The following KCNT2 variants were observed in gnomAD, a reference collection of about 807,000 sequenced individuals.
KCNT2 encodes the protein potassium sodium-activated channel subfamily T member 2, also known as potassium channel subfamily T member 2.
In KCNT2, 67 loss-of-function variants were observed where a neutral mutation model predicts 153.8. The observed-to-expected ratio is 0.44, with a 90% CI of 0.36 to 0.53. The LOEUF (loss-of-function observed/expected upper bound fraction) is 0.53. Ranked by LOEUF, KCNT2 falls within the 20% of genes least tolerant of loss-of-function variation. The pLI is 0.00. For synonymous variants in KCNT2, 500 were observed against 458.8 expected (o/e 1.09, Z -1.15); for missense variants, 975 against 1,354.8 (o/e 0.72, Z 4.40).
intron 25 of KCNT2, among the ~76,000 whole-genome samples, chr1:196,259,880 T>C (rs980512557): frequency 1.3e-5 from 2 of 151,978 alleles, no homozygotes; most frequent in Admixed American, 1.3e-4. Flanking sequence ...TAAAAGTTTT[T>C]AATACCATGG....
intron 25 of KCNT2, among the ~76,000 whole-genome samples, chr1:196,274,759 T>G (rs906656533): frequency 1.5e-4 from 23 of 151,870 alleles, no homozygotes; most frequent in African/African-American, 5.6e-4. Context: ...TATGTTGGTA[T>G]ATTAATATGC....
chr1:196,385,396 A>G (rs1172984666), intron 13 of KCNT2, among the ~76,000 whole-genome samples: 2 of 152,168 alleles, frequency 1.3e-5, no homozygotes, highest in Non-Finnish European at 2.9e-5. Context: ...GGTACAGTGA[A>G]AAGATGGTAT....
chr1:196,465,601 C>G (rs4545283), intron 7 of KCNT2, among the ~76,000 whole-genome samples: 150,729 of 151,928 alleles, frequency 0.99, 74,780 homozygotes, highest in Middle Eastern at 1. Context: ...AAAGATATTG[C>G]TGTAGGAAGA....
chr1:196,281,481 A>T (rs965766851), intron 24 of KCNT2, among the ~76,000 whole-genome samples: 1 of 152,190 alleles, frequency 6.6e-6, no homozygotes, highest in Admixed American at 6.5e-5. Context: ...CTCTAGCACC[A>T]TACTGACTTG....
At chr1:196,465,724 T>C (rs1677557310) in intron 7 of KCNT2, among the ~76,000 whole-genome samples, 1 of 151,784 alleles carries the variant, frequency 6.6e-6, no homozygotes, top group East Asian at 1.9e-4. Flanking sequence ...AAAATCCTAA[T>C]TTCAAAAGAT....
chr1:196,474,393 AT>A (rs935169062), intron 5 of KCNT2, among the ~76,000 whole-genome samples: 5 of 152,164 alleles, frequency 3.3e-5, no homozygotes, highest in African/African-American at 1.2e-4. Flanking sequence ...TGAATTTAAA[AT>A]AGTGTCGTAA....
chr1:196,369,967 A>G (rs1668379474), intron 14 of KCNT2, among the ~76,000 whole-genome samples: 2 of 152,086 alleles, frequency 1.3e-5, no homozygotes, highest in African/African-American at 4.8e-5. Flanking sequence ...ACACATGAAA[A>G]AATGCTCACC....
At chr1:196,457,895 A>G (rs1676817426) in intron 8 of KCNT2, among the ~76,000 whole-genome samples, 1 of 152,024 alleles carries the variant, frequency 6.6e-6, no homozygotes, top group Admixed American at 6.6e-5. Flanking sequence ...CACCATTCAC[A>G]ACAATGATAG....
intron 1 of KCNT2, among the ~76,000 whole-genome samples, chr1:196,599,682 C>T (rs1202525983): frequency 2.6e-5 from 4 of 152,164 alleles, no homozygotes; most frequent in Non-Finnish European, 2.9e-5. Context: ...AGGCGATTGT[C>T]CCCTACACAT....
Position 196,429,720 on chromosome 1 carries a change from T to A in KCNT2, c.676A>T (p.Lys226Ter). Residue 226 changes from lysine to a stop codon, truncating the protein, a stop_gained, in exon 9 of 28, where the codon AAG becomes TAG. Transcript: ENST00000294725. LOFTEE classifies it high-confidence loss of function. ...GIQHLERIGKKLNLFDSLYFC... is the reference protein window; with the variant it reads ...GIQHLERIGK ...TAAAGGGAGTCAAAGAGATTCAGCTTCTTTCCTATTCGTTCCAGATGTTGG... is the reference window on the plus strand; with the variant it reads ...TAAAGGGAGTCAAAGAGATTCAGCTACTTTCCTATTCGTTCCAGATGTTGG... 1 of 1,608,786 alleles carries A rather than the reference T, an allele frequency of 6.2e-7. No individual in the cohort carries two copies. Among genetic ancestry groups the A allele is most frequent in the Non-Finnish European group, 8.5e-7 (1 of 1,178,126 alleles).
intron 14 of KCNT2, among the ~76,000 whole-genome samples, chr1:196,369,866 G>C (rs191260293): frequency 7.8e-4 from 118 of 152,188 alleles, no homozygotes; most frequent in African/African-American, 2.1e-3. Context: ...GGGTCAAATG[G>C]TATTTCTAGT....
intron 26 of KCNT2, among the ~76,000 whole-genome samples, chr1:196,241,461 G>A (rs1654953473): frequency 6.6e-6 from 1 of 151,994 alleles, no homozygotes. Context: ...TATTGTTACT[G>A]AACTGACCAG....
At chr1:196,286,107 CTG>C (rs2147893066) in intron 22 of KCNT2, among the ~76,000 whole-genome samples, 1 of 151,900 alleles carries the variant, frequency 6.6e-6, no homozygotes, top group South Asian at 2.1e-4. Flanking sequence ...ACACTGAACA[CTG>C]TAAAGAAGAC....
chr1:196,455,394 G>A (rs533189341), intron 8 of KCNT2, among the ~76,000 whole-genome samples: 115 of 151,984 alleles, frequency 7.6e-4, no homozygotes, highest in Non-Finnish European at 1.2e-3. Flanking sequence ...TTTTCCTACC[G>A]GAAGCTTGAA....
intron 14 of KCNT2, among the ~76,000 whole-genome samples, chr1:196,369,210 G>C (rs1452078591): frequency 6.6e-6 from 1 of 151,986 alleles, no homozygotes; most frequent in East Asian, 1.9e-4. Flanking sequence ...AATCAGGATG[G>C]GCCAGTTGAA....
intron 21 of KCNT2, among the ~76,000 whole-genome samples, chr1:196,306,848 T>C (rs1661683933): frequency 6.6e-6 from 1 of 151,988 alleles, no homozygotes; most frequent in African/African-American, 2.4e-5. Flanking sequence ...TAGGATATCA[T>C]TGGGTATTTT....
intron 8 of KCNT2, among the ~76,000 whole-genome samples, chr1:196,444,167 C>G (rs1346745109): frequency 1.3e-5 from 2 of 151,000 alleles, no homozygotes; most frequent in African/African-American, 4.8e-5. Flanking sequence ...AGGTATGTAT[C>G]ACATGACCAC....
intron 14 of KCNT2, among the ~76,000 whole-genome samples, chr1:196,366,645 C>A (rs546234463): frequency 4.6e-5 from 7 of 152,244 alleles, no homozygotes; most frequent in South Asian, 2.1e-4. Context: ...TTAAATTAAA[C>A]CCACTGCTAC....
intron 18 of KCNT2, among the ~76,000 whole-genome samples, chr1:196,327,666 A>ATTTTTTTTTTT (rs1664006430): frequency 9.1e-5 from 10 of 109,894 alleles, no homozygotes; most frequent in South Asian, 2.3e-4. Flanking sequence ...GAATATTCTG[A>ATTTTTTTTTTT]TCTTTTTTTT....
Sources: allele counts gnomAD v4.1 joint callset (sites outside exome capture counted in the v4.1 genomes callset), GRCh38; gene constraint gnomAD v4.1.1; transcripts MANE v1.5; gene names NCBI Gene and HGNC (gene_info 2026-07-23, HGNC 2026-07-21).